ENOX1: variants seen among roughly 807,000 people sequenced by gnomAD.
ENOX1 encodes the protein candidate growth-related and time keeping constitutive hydroquinone (NADH) oxidase.
In ENOX1, 42 loss-of-function variants were observed where a neutral mutation model predicts 82.5. That is an observed-to-expected ratio of 0.51 (90% CI 0.40 to 0.66). ENOX1 has a LOEUF of 0.66. Among genes scored for constraint, ENOX1 ranks in the 30% least tolerant of loss-of-function variants. The pLI, the probability that ENOX1 is intolerant of heterozygous loss-of-function variation, is 0.00. For missense variants in ENOX1, 608 were observed against 811.6 expected (o/e 0.75, Z 3.05); for synonymous variants, 271 against 282.2 (o/e 0.96, Z 0.40).
chr13:43,346,335 G>A (rs1185704098), intron 8 of ENOX1, among the ~76,000 whole-genome samples: 1 of 152,100 alleles, frequency 6.6e-6, no homozygotes, highest in African/African-American at 2.4e-5. Context: ...CCATGCTCAG[G>A]CACCATTCTA....
intron 12 of ENOX1, among the ~76,000 whole-genome samples, chr13:43,275,573 A>AACAC (rs71202257): frequency 0.052 from 7,708 of 148,940 alleles, 234 homozygotes; most frequent in Admixed American, 0.07. Flanking sequence ...GACTGACACC[A>AACAC]ACACACACAC....
intron 2 of ENOX1, among the ~76,000 whole-genome samples, chr13:43,644,935 C>A: frequency 6.6e-6 from 1 of 152,192 alleles, no homozygotes; most frequent in Admixed American, 6.5e-5. Context: ...ATAGATTATA[C>A]GAGTTACTTG....
intron 3 of ENOX1, among the ~76,000 whole-genome samples, chr13:43,417,721 T>C (rs2054711693): frequency 6.6e-6 from 1 of 152,206 alleles, no homozygotes. Flanking sequence ...GTGATAATTA[T>C]TACTATTTTA....
chr13:43,618,672 G>A (rs761514031), intron 2 of ENOX1, among the ~76,000 whole-genome samples: 34 of 152,194 alleles, frequency 2.2e-4, no homozygotes, highest in Non-Finnish European at 3.5e-4. Flanking sequence ...ATAGTGTGAT[G>A]CCTCCAGATT....
intron 5 of ENOX1, among the ~76,000 whole-genome samples, chr13:43,399,127 GCTTA>G (rs2053340110): frequency 1.3e-5 from 2 of 151,874 alleles, no homozygotes; most frequent in South Asian, 2.1e-4. Flanking sequence ...TTTTCTTCTA[GCTTA>G]CTTTACTGTG....
At chr13:43,403,863 A>G (rs1393356162) in intron 5 of ENOX1, among the ~76,000 whole-genome samples, 1 of 152,076 alleles carries the variant, frequency 6.6e-6, no homozygotes, top group Non-Finnish European at 1.5e-5. Flanking sequence ...AATAAATAAA[A>G]AGAAAGAAAA....
At chr13:43,728,252 GA>G (rs2089112630) in intron 1 of ENOX1, among the ~76,000 whole-genome samples, 1 of 152,120 alleles carries the variant, frequency 6.6e-6, no homozygotes, top group African/African-American at 2.4e-5. Flanking sequence ...TGGAGTAAAA[GA>G]AAAAGTGAAA....
At chr13:43,506,031 T>C (rs1161459411) in intron 2 of ENOX1, among the ~76,000 whole-genome samples, 1 of 152,052 alleles carries the variant, frequency 6.6e-6, no homozygotes, top group African/African-American at 2.4e-5. Flanking sequence ...TTTTTTGTTT[T>C]TGTGAGGTTT....
At chr13:43,449,338 A>G (rs1378803140) in intron 3 of ENOX1, among the ~76,000 whole-genome samples, 2 of 152,214 alleles carry the variant, frequency 1.3e-5, no homozygotes, top group African/African-American at 4.8e-5. Flanking sequence ...GGACATTGTG[A>G]TTTATGCAGG....
chr13:43,509,116 T>A (rs542248279), intron 2 of ENOX1, among the ~76,000 whole-genome samples: 1 of 152,162 alleles, frequency 6.6e-6, no homozygotes, highest in African/African-American at 2.4e-5. Flanking sequence ...TACTCTGTGG[T>A]AGGAAATATC....
At chr13:43,373,897 T>A (rs1164685131) in intron 5 of ENOX1, among the ~76,000 whole-genome samples, 1 of 152,198 alleles carries the variant, frequency 6.6e-6, no homozygotes, top group Admixed American at 6.5e-5. Context: ...GGAGGAGCAT[T>A]CCTTAATGAC....
intron 16 of ENOX1, among the ~76,000 whole-genome samples, chr13:43,214,382 G>A (rs529700212): frequency 7.2e-5 from 11 of 152,238 alleles, no homozygotes; most frequent in African/African-American, 2.6e-4. Flanking sequence ...TACCTTACTG[G>A]CAGCACCATT....
At chr13:43,468,902 A>G (rs1324471124) in intron 3 of ENOX1, among the ~76,000 whole-genome samples, 2 of 152,166 alleles carry the variant, frequency 1.3e-5, no homozygotes, top group Non-Finnish European at 2.9e-5. Flanking sequence ...TTCATTTTAA[A>G]TTGCTCCTTG....
At chr13:43,263,585 CA>C (rs1450054434) in intron 14 of ENOX1, among the ~76,000 whole-genome samples, 2 of 152,238 alleles carry the variant, frequency 1.3e-5, no homozygotes, top group Non-Finnish European at 2.9e-5. Flanking sequence ...CCTGTCTATA[CA>C]TGTATCATCT....
chr13:43,696,709 A>G (rs1309483366), intron 1 of ENOX1, among the ~76,000 whole-genome samples: 7 of 151,960 alleles, frequency 4.6e-5, no homozygotes, highest in Admixed American at 4.6e-4. Flanking sequence ...ACGCACTTAG[A>G]CCTTTATCTC....
intron 15 of ENOX1, among the ~76,000 whole-genome samples, chr13:43,231,651 C>T (rs1444514137): frequency 6.6e-6 from 1 of 152,150 alleles, no homozygotes; most frequent in East Asian, 1.9e-4. Context: ...CCTCTTCATC[C>T]TTTAGGACTA....
chr13:43,666,494 T>C (rs561311286), intron 2 of ENOX1, among the ~76,000 whole-genome samples: 55 of 152,116 alleles, frequency 3.6e-4, no homozygotes, highest in Admixed American at 1.5e-3. Context: ...GGGAAGACAG[T>C]GTAAAGACAC....
chr13:43,317,991 C>A (rs1288443439), intron 11 of ENOX1, among the ~76,000 whole-genome samples: 1 of 149,878 alleles, frequency 6.7e-6, no homozygotes, highest in African/African-American at 2.5e-5. Context: ...GGTGACAGAG[C>A]AAGACTCCGT....
intron 16 of ENOX1, among the ~76,000 whole-genome samples, chr13:43,214,490 T>A (rs1199748823): frequency 1.3e-5 from 2 of 152,170 alleles, no homozygotes; most frequent in African/African-American, 4.8e-5. Flanking sequence ...ACTAGTGGCT[T>A]CATCCTCATC....
Sources: allele counts gnomAD v4.1 joint callset (sites outside exome capture counted in the v4.1 genomes callset), GRCh38; gene constraint gnomAD v4.1.1; transcripts MANE v1.5; gene names NCBI Gene and HGNC (gene_info 2026-07-23, HGNC 2026-07-21).